ATP8A2: variants seen among roughly 807,000 people sequenced by gnomAD.
The protein encoded by ATP8A2 is ATPase phospholipid transporting 8A2.
ATP8A2 carries 100 observed loss-of-function variants against 165.6 expected under a neutral mutation model. The ratio of observed to expected loss-of-function variants is 0.60; its 90% CI spans 0.51 to 0.71. The LOEUF is 0.71. Among genes scored for constraint, ATP8A2 ranks in the 30% least tolerant of loss-of-function variants. ATP8A2 has a pLI of 0.00. For synonymous variants in ATP8A2, 543 were observed against 548.8 expected, an observed-to-expected ratio of 0.99 and a Z score of 0.15; for missense variants, 1,227 against 1,479.5, an observed-to-expected ratio of 0.83 and a Z score of 2.80.
At chr13:25,476,775 A>C (rs1459310684) in intron 2 of ATP8A2, among the ~76,000 whole-genome samples, 1 of 152,214 alleles carries the variant, frequency 6.6e-6, no homozygotes, top group African/African-American at 2.4e-5. Flanking sequence ...TTTTGTTTAG[A>C]AGTGGATATA....
intron 1 of ATP8A2, among the ~76,000 whole-genome samples, chr13:25,458,766 G>T (rs551398283): frequency 1.3e-5 from 2 of 152,328 alleles, no homozygotes; most frequent in Admixed American, 1.3e-4. Flanking sequence ...ATAATACTGA[G>T]GAGCAACAGG....
At chr13:25,743,827 A>C (rs1195300495) in intron 25 of ATP8A2, among the ~76,000 whole-genome samples, 1 of 152,210 alleles carries the variant, frequency 6.6e-6, no homozygotes, top group African/African-American at 2.4e-5. Flanking sequence ...ATGAAAACCT[A>C]TATTGATGAA....
chr13:25,546,989 G>A (rs1054942917), intron 10 of ATP8A2, among the ~76,000 whole-genome samples: 15 of 152,036 alleles, frequency 9.9e-5, no homozygotes, highest in African/African-American at 3.4e-4. Context: ...AATTAGCTGG[G>A]CATGGTGGTG....
At chr13:25,882,823 G>A (rs1953020206) in intron 33 of ATP8A2, among the ~76,000 whole-genome samples, 3 of 152,016 alleles carry the variant, frequency 2.0e-5, no homozygotes, top group South Asian at 2.1e-4. Context: ...CACTGATGGA[G>A]GGGCGCTATA....
intron 35 of ATP8A2, among the ~76,000 whole-genome samples, chr13:26,000,689 C>T (rs1245113309): frequency 3.1e-5 from 3 of 96,382 alleles, no homozygotes; most frequent in Non-Finnish European, 5.7e-5. Context: ...CTGCTTCTGC[C>T]AGTACAGAGC....
rs375883845 is a variant in ATP8A2 at position 25,817,946 on chromosome 13, G to A, written c.2680-10172G>A. 6.6e-5 allele frequency among the ~76,000 whole-genome samples: 10 copies of A among 152,246 alleles called. No individual in the cohort carries two copies. In the East Asian group the frequency reaches 1.9e-3, roughly 29 times the overall value. On this transcript the variant is annotated intron_variant, in intron 27 of 36. Transcript: ENST00000381655. ...TCCTGCTGCCTCAACCTCCCAAAGT[G>A]CTGGGATTATAGGTAGGAGCCACTG...
chr13:25,850,423 A>G lies in ATP8A2; in HGVS notation c.2957-9772A>G, dbSNP rs116131808. Among the ~76,000 whole-genome samples the G allele has an allele frequency of 6.9e-3, 730 of 105,476 alleles. 6 individuals are homozygous for G. The highest frequency in any genetic ancestry group is 0.026 in the African/African-American group (690 of 26,454). The allele number at this position is 105,476 out of a possible 152,430, so 69.2% of individuals were successfully genotyped here. On this transcript the variant is annotated intron_variant, in intron 30 of 36. Transcript: ENST00000381655. Reference sequence around the variant, plus strand: ...GCTCACCTTTCCACCTCCGCGCCCAATACAGGCTGGTTTTCTTTTTGCCTG... The same window carrying G: ...GCTCACCTTTCCACCTCCGCGCCCAGTACAGGCTGGTTTTCTTTTTGCCTG...
At chr13:25,601,923 C>A (rs1257955798) in intron 24 of ATP8A2, among the ~76,000 whole-genome samples, 4 of 152,214 alleles carry the variant, frequency 2.6e-5, no homozygotes. Context: ...AATTATCTCT[C>A]TTAACCCTCT....
chr13:25,540,914 T>C (rs1593495072), intron 8 of ATP8A2, among the ~76,000 whole-genome samples: 1 of 150,918 alleles, frequency 6.6e-6, no homozygotes, highest in East Asian at 1.9e-4. Context: ...CAGGCTGGAG[T>C]GCAGTGATGC....
At chr13:25,581,320 A>G (rs1371678606) in intron 22 of ATP8A2, among the ~76,000 whole-genome samples, 1 of 152,204 alleles carries the variant, frequency 6.6e-6, no homozygotes, top group African/African-American at 2.4e-5. Flanking sequence ...AGAGGACCAA[A>G]AGGGGCAACA....
chr13:25,939,267 C>T (rs566112951), intron 33 of ATP8A2, among the ~76,000 whole-genome samples: 28 of 152,322 alleles, frequency 1.8e-4, no homozygotes, highest in Middle Eastern at 3.4e-3. Flanking sequence ...TTGGAGGGCT[C>T]GTTCCAGGTG....
At chr13:25,572,569 C>T in intron 18 of ATP8A2, among the ~76,000 whole-genome samples, 1 of 152,122 alleles carries the variant, frequency 6.6e-6, no homozygotes, top group East Asian at 1.9e-4. Flanking sequence ...ATAATTATAT[C>T]AAATAGGAGG....
chr13:25,546,514 C>CT (rs1222212487), intron 10 of ATP8A2, among the ~76,000 whole-genome samples: 71,487 of 142,096 alleles, frequency 0.5, 18,539 homozygotes, highest in Non-Finnish European at 0.56. Flanking sequence ...GTTCTTCTAC[C>CT]TTTTTTTTTT....
At chr13:25,751,853 C>A (rs1288703464) in intron 25 of ATP8A2, among the ~76,000 whole-genome samples, 1 of 151,110 alleles carries the variant, frequency 6.6e-6, no homozygotes, top group Admixed American at 6.6e-5. Context: ...TCAGAGATAA[C>A]CACTTTCTAA....
chr13:25,770,470 A>G (rs536547894), intron 26 of ATP8A2, among the ~76,000 whole-genome samples: 1 of 152,238 alleles, frequency 6.6e-6, no homozygotes, highest in Admixed American at 6.5e-5. Flanking sequence ...TTCCCGGCTC[A>G]CTGGCTACCC....
intron 33 of ATP8A2, among the ~76,000 whole-genome samples, chr13:25,911,748 T>G (rs929293605): frequency 6.6e-6 from 1 of 152,218 alleles, no homozygotes; most frequent in Non-Finnish European, 1.5e-5. Context: ...AGAAGAGGCA[T>G]TTCCAGTTCA....
rs372248903 is a variant in ATP8A2 at position 25,738,360 on chromosome 13, T to G, written c.2385-30686T>G. Among the ~76,000 whole-genome samples the G allele has an allele frequency of 4.9e-3, 614 of 124,932 alleles. 6 individuals are homozygous for G. The highest frequency in any genetic ancestry group is 0.017 in the African/African-American group (588 of 33,888). 82.0% of individuals were successfully genotyped at this position (124,932 alleles called of 152,430 possible). ...CCCCCTCCCCCCCCCCCACACACACTTCTTCTGGTAGTTGCTGTAGTTTAA... is the reference window on the plus strand; with the variant it reads ...CCCCCTCCCCCCCCCCCACACACACGTCTTCTGGTAGTTGCTGTAGTTTAA... On this transcript the variant is annotated intron_variant, in intron 25 of 36. Transcript: ENST00000381655.
In ATP8A2 at chr13:25,991,093, C is replaced by T. The variant is rs556409173; in HGVS notation, c.3378-21438C>T. Reference sequence around the variant, plus strand: ...AACGGCTCTGCCTGAGGTGGACAGCCTCTCCCTCGGGTAGTGTGCCTGCAG... The same window carrying T: ...AACGGCTCTGCCTGAGGTGGACAGCTTCTCCCTCGGGTAGTGTGCCTGCAG... On this transcript the variant is annotated intron_variant, in intron 35 of 36. Transcript: ENST00000381655. Among the ~76,000 whole-genome samples, 187 of 152,272 alleles carry T rather than the reference C, an allele frequency of 1.2e-3. 1 individual carries two copies. The highest frequency in any genetic ancestry group is 4.4e-3 in the African/African-American group (183 of 41,554).
At chr13:25,398,346 C>A (rs887521640) in intron 1 of ATP8A2, among the ~76,000 whole-genome samples, 1 of 152,130 alleles carries the variant, frequency 6.6e-6, no homozygotes, top group African/African-American at 2.4e-5. Flanking sequence ...TGGTCATTTG[C>A]GCCTAAACAT....
Sources: gnomAD v4.1 joint callset for allele counts (sites outside exome capture counted in the v4.1 genomes callset) on GRCh38, gnomAD v4.1.1 for gene constraint, MANE v1.5 for transcripts, NCBI Gene and HGNC (gene_info 2026-07-23, HGNC 2026-07-21) for gene names.